Variants in DCC observed in about 807,000 individuals in gnomAD.
DCC encodes DCC netrin 1 receptor, also known as netrin receptor DCC.
In DCC, 58 loss-of-function variants were observed where a neutral mutation model predicts 172.5. The ratio of observed to expected loss-of-function variants is 0.34; its 90% CI spans 0.27 to 0.42. DCC has a LOEUF of 0.42. Ranked by LOEUF, DCC falls within the 10% of genes least tolerant of loss-of-function variation. DCC has a pLI of 1.00. For missense variants in DCC, 1,740 were observed against 1,791.0 expected (o/e 0.97, Z 0.51); for synonymous variants, 709 against 644.5 (o/e 1.10, Z -1.52).
intron 12 of DCC, among the ~76,000 whole-genome samples, chr18:53,239,975 G>C (rs1234307238): frequency 7.0e-6 from 1 of 143,146 alleles, no homozygotes; most frequent in Non-Finnish European, 1.5e-5. Context: ...GAGGAGAATG[G>C]TGAGAAAATA....
chr18:53,206,246 TACATATATACCACATATATGTATTATAAC>T (rs1315000986), intron 10 of DCC, among the ~76,000 whole-genome samples: 9 of 132,962 alleles, frequency 6.8e-5, no homozygotes, highest in South Asian at 2.3e-4. Context: ...TTATACATAA[TACATATATACCACATATATGTATTATAAC>T]ACATATATAC....
chr18:52,568,551 A>T (rs943319192), intron 1 of DCC, among the ~76,000 whole-genome samples: 1 of 152,182 alleles, frequency 6.6e-6, no homozygotes, highest in African/African-American at 2.4e-5. Flanking sequence ...AGTGCTTGCT[A>T]TTATTATTTC....
intron 7 of DCC, among the ~76,000 whole-genome samples, chr18:53,143,066 A>G (rs1035920938): frequency 6.6e-6 from 1 of 152,202 alleles, no homozygotes; most frequent in African/African-American, 2.4e-5. Flanking sequence ...TGACAGCCAC[A>G]TGACATCACT....
chr18:53,046,828 A>C (rs2042245034), intron 5 of DCC, among the ~76,000 whole-genome samples: 1 of 151,902 alleles, frequency 6.6e-6, no homozygotes, highest in Admixed American at 6.6e-5. Context: ...CAAAATAGGA[A>C]ACCGAAATCC....
At chr18:52,503,947 G>A (rs553343353) in intron 1 of DCC, among the ~76,000 whole-genome samples, 2 of 152,098 alleles carry the variant, frequency 1.3e-5, no homozygotes, top group African/African-American at 4.8e-5. Context: ...AACTCTTTAG[G>A]GGTATGTATG....
chr18:52,947,447 T>G (rs997428076), intron 5 of DCC, among the ~76,000 whole-genome samples: 16 of 152,160 alleles, frequency 1.1e-4, no homozygotes, highest in Non-Finnish European at 5.9e-5. Flanking sequence ...TTCCCTATAG[T>G]TGGACTTGAG....
At position 53,063,364 on chromosome 18, in the gene DCC, G is replaced by C; in HGVS notation, c.1045G>C (p.Glu349Gln). 1 of 1,612,972 alleles carries C rather than the reference G, an allele frequency of 6.2e-7. No homozygotes were observed. ...GTATGCCTATGAAAGCATGGATATTGAGTTTGAATGTACAGTCTCTGGAAA... is the reference window on the plus strand; with the variant it reads ...GTATGCCTATGAAAGCATGGATATTCAGTTTGAATGTACAGTCTCTGGAAA... Reference protein sequence around the residue: ...NLYAYESMDIEFECTVSGKPV... With the variant: ...NLYAYESMDIQFECTVSGKPV... Residue 349 changes from glutamate (E) to glutamine (Q), a missense_variant, in exon 6 of 29, where the codon GAG (glutamate) becomes CAG (glutamine). Glu to Gln is a conservative substitution (Grantham distance 29, BLOSUM62 2). Coordinates refer to ENST00000442544, the MANE Select transcript of DCC (RefSeq NM_005215.4).
intron 1 of DCC, among the ~76,000 whole-genome samples, chr18:52,672,668 TC>T (rs571276048): frequency 0.013 from 1,722 of 131,476 alleles, 46 homozygotes; most frequent in African/African-American, 0.045. Flanking sequence ...CTTGCCCCCT[TC>T]CCCCCTTCCC....
chr18:53,467,853 C>G (rs1313012762), intron 24 of DCC, 41 bp from the exon 25 acceptor site: 1 of 995,748 alleles, frequency 1.0e-6, no homozygotes, highest in East Asian at 2.4e-5. Context: ...AGTGTTGCAT[C>G]CTTGAAGAGG....
chr18:52,460,704 T>C (rs1304583735), intron 1 of DCC, among the ~76,000 whole-genome samples: 1 of 152,204 alleles, frequency 6.6e-6, no homozygotes, highest in African/African-American at 2.4e-5. Context: ...TTCTGAATAC[T>C]ACAGGCAATT....
rs965439768 is a variant in DCC at position 53,339,779 on chromosome 18, G to C, written c.2231G>C (p.Ser744Thr). 1 of 1,613,870 alleles carries C rather than the reference G, an allele frequency of 6.2e-7. No homozygotes were observed. The highest frequency in any genetic ancestry group is 1.3e-5 in the African/African-American group (1 of 74,886). Residue 744 changes from serine (S) to threonine (T), a missense_variant, in exon 15 of 29, where the codon AGT (serine) becomes ACT (threonine). Physicochemically the swap from Ser to Thr is moderately conservative, Grantham distance 58 (BLOSUM62 1). Coordinates refer to ENST00000442544, the MANE Select transcript of DCC (RefSeq NM_005215.4). ...VRPQTNCIIM[S>T]WTPPLNPNIV... ...CCCCAGACTAACTGCATCATCATGA[G>C]TTGGACTCCTCCCTTGAACCCAAAC...
chr18:52,342,607 G>T (rs1274326840), intron 1 of DCC, among the ~76,000 whole-genome samples: 2 of 152,204 alleles, frequency 1.3e-5, no homozygotes, highest in Non-Finnish European at 2.9e-5. Context: ...CAGTTTGGGA[G>T]ACCTATGCGG....
chr18:53,094,202 A>C (rs1024640418), intron 7 of DCC, among the ~76,000 whole-genome samples: 4 of 152,206 alleles, frequency 2.6e-5, no homozygotes, highest in African/African-American at 9.6e-5. Flanking sequence ...TTATATGATG[A>C]AAACAGATTG....
intron 5 of DCC, among the ~76,000 whole-genome samples, chr18:53,008,713 C>T (rs1041206537): frequency 2.0e-5 from 3 of 151,690 alleles, no homozygotes; most frequent in African/African-American, 7.3e-5. Flanking sequence ...ACTATACATA[C>T]AGCTCTTAAT....
chr18:52,678,772 G>A (rs1306828462), intron 1 of DCC, among the ~76,000 whole-genome samples: 3 of 152,056 alleles, frequency 2.0e-5, no homozygotes, highest in South Asian at 4.1e-4. Context: ...AACCGGTTCT[G>A]GGCACTGCCT....
At chr18:53,023,041 T>C (rs1311541454) in intron 5 of DCC, among the ~76,000 whole-genome samples, 1 of 152,042 alleles carries the variant, frequency 6.6e-6, no homozygotes, top group Admixed American at 6.6e-5. Flanking sequence ...TAAAAACTTA[T>C]CAACATGCTG....
chr18:52,361,992 A>T (rs1044194576), intron 1 of DCC, among the ~76,000 whole-genome samples: 1 of 152,240 alleles, frequency 6.6e-6, no homozygotes, highest in African/African-American at 2.4e-5. Flanking sequence ...GTCATGACAC[A>T]CATTCTCATC....
At chr18:53,206,564 TATATA>T (rs1160298840) in intron 10 of DCC, among the ~76,000 whole-genome samples, 1 of 145,172 alleles carries the variant, frequency 6.9e-6, no homozygotes, top group Non-Finnish European at 1.5e-5. Flanking sequence ...ATGTATGTAT[TATATA>T]ATACATATCT....
chr18:52,657,511 C>A (rs1403531601), intron 1 of DCC, among the ~76,000 whole-genome samples: 1 of 152,272 alleles, frequency 6.6e-6, no homozygotes, highest in South Asian at 2.1e-4. Flanking sequence ...GGGCTCCAGC[C>A]ATTCTTGTGG....
Sources: allele counts gnomAD v4.1 joint callset (sites outside exome capture counted in the v4.1 genomes callset), GRCh38; gene constraint gnomAD v4.1.1; transcripts MANE v1.5; gene names NCBI Gene and HGNC (gene_info 2026-07-23, HGNC 2026-07-21).